RGS7: variants seen among roughly 807,000 people sequenced by gnomAD.
RGS7 encodes the protein regulator of G protein signaling 7.
In RGS7, 27 loss-of-function variants were observed where a neutral mutation model predicts 81.1. That is an observed-to-expected ratio of 0.33 (90% CI 0.25 to 0.46). The LOEUF (loss-of-function observed/expected upper bound fraction) is 0.46, where lower values mean the gene tolerates loss of function less well. Ranked by LOEUF, RGS7 falls within the 20% of genes least tolerant of loss-of-function variation. The probability of loss-of-function intolerance (pLI) is 1.00; values close to 1 mark genes in which losing one functional copy is unlikely to be tolerated. For missense variants in RGS7, 396 were observed against 607.4 expected (o/e 0.65, Z 3.66); for synonymous variants, 208 against 207.7 (o/e 1.00, Z -0.01).
At chr1:240,787,363 T>C (rs1278648380) in intron 18 of RGS7, among the ~76,000 whole-genome samples, 1 of 152,216 alleles carries the variant, frequency 6.6e-6, no homozygotes, top group African/African-American at 2.4e-5. Flanking sequence ...TGCTCCTTTA[T>C]TCATTTTAAA....
intron 2 of RGS7, among the ~76,000 whole-genome samples, chr1:241,220,995 A>AAAGAG (rs1558203288): frequency 2.4e-4 from 10 of 42,324 alleles, no homozygotes; most frequent in African/African-American, 7.2e-4. Flanking sequence ...GGAAGGAAGG[A>AAAGAG]AGAGAGAGAG....
chr1:241,083,949 C>T (rs1382156485), intron 3 of RGS7, among the ~76,000 whole-genome samples: 2 of 150,870 alleles, frequency 1.3e-5, no homozygotes, highest in African/African-American at 2.5e-5. Flanking sequence ...ACCACCTAGG[C>T]GGTCTTATAG....
chr1:241,348,903 C>T (rs2083069075), intron 2 of RGS7, among the ~76,000 whole-genome samples: 1 of 152,118 alleles, frequency 6.6e-6, no homozygotes, highest in Admixed American at 6.6e-5. Context: ...GTAGTGGAAA[C>T]ATTCACTTTT....
chr1:241,243,550 G>A (rs893803596), intron 2 of RGS7, among the ~76,000 whole-genome samples: 1 of 152,150 alleles, frequency 6.6e-6, no homozygotes, highest in Admixed American at 6.5e-5. Context: ...ATGCTTGCAA[G>A]GAGGGGAAAA....
At chr1:240,996,019 T>C (rs6429236) in intron 3 of RGS7, among the ~76,000 whole-genome samples, 4 of 133,198 alleles carry the variant, frequency 3.0e-5, no homozygotes, top group Admixed American at 1.5e-4. Context: ...ATTTTTATTG[T>C]TTTTTTTTTA....
Position 240,868,907 on chromosome 1 carries a change from C to G in RGS7, c.451-55G>C. 2.0e-6 allele frequency: 3 copies of G among 1,482,802 alleles called. No homozygotes were observed. The East Asian group carries it at 6.8e-5, about 34-fold the overall frequency. The allele number at this position is 1,482,802 out of a possible 1,614,324, so 91.9% of individuals were successfully genotyped here. On this transcript the variant is annotated intron_variant, in intron 7 of 18. Transcript: ENST00000440928. This position sits in a 1 kb window ranked among gnomAD's most constrained non-coding sequence, Gnocchi z 5.1. ...TGGTGTTCATTGTCACTGCTCTCTT[C>G]TAGCTTAGTTACCACTTGTATTTGT... is the stretch of plus-strand genomic sequence containing the variant.
At chr1:241,327,434 T>A (rs1047753939) in intron 2 of RGS7, among the ~76,000 whole-genome samples, 1 of 152,202 alleles carries the variant, frequency 6.6e-6, no homozygotes, top group African/African-American at 2.4e-5. Flanking sequence ...GATTCCTTAT[T>A]AAATAATACA....
intron 18 of RGS7, among the ~76,000 whole-genome samples, chr1:240,793,602 TA>T (rs1249925014): frequency 0.021 from 2,242 of 105,976 alleles, 26 homozygotes; most frequent in Non-Finnish European, 0.031. Flanking sequence ...TATATATATA[TA>T]TATATATATT....
chr1:241,197,293 C>T (rs2073155409), intron 2 of RGS7, among the ~76,000 whole-genome samples: 1 of 4,606 alleles, frequency 2.2e-4, no homozygotes, highest in African/African-American at 4.9e-4. Flanking sequence ...CTCGCTCTGT[C>T]GCCCAGGCTG....
At chr1:240,863,838 C>T (rs1215687377) in intron 9 of RGS7, among the ~76,000 whole-genome samples, 4 of 152,110 alleles carry the variant, frequency 2.6e-5, no homozygotes, top group Admixed American at 6.5e-5. Flanking sequence ...CATATGAAAA[C>T]CATGAGTAAA....
chr1:240,972,955 G>A (rs137938156), intron 4 of RGS7, among the ~76,000 whole-genome samples: 25 of 151,640 alleles, frequency 1.6e-4, no homozygotes, highest in South Asian at 6.3e-4. Flanking sequence ...AAGCTTAAGC[G>A]GGAGGATCAC....
intron 2 of RGS7, among the ~76,000 whole-genome samples, chr1:241,181,383 T>C (rs1179310293): frequency 6.6e-6 from 1 of 152,116 alleles, no homozygotes; most frequent in Non-Finnish European, 1.5e-5. Flanking sequence ...AAAAATAAAA[T>C]ACATTTAAAA....
intron 3 of RGS7, among the ~76,000 whole-genome samples, chr1:241,013,353 G>A (rs765301915): frequency 2.0e-5 from 3 of 152,150 alleles, no homozygotes; most frequent in East Asian, 1.9e-4. Context: ...ATGAGCCACC[G>A]CACCTGGCCC....
At chr1:241,321,866 C>T (rs575296158) in intron 2 of RGS7, among the ~76,000 whole-genome samples, 248 of 152,182 alleles carry the variant, frequency 1.6e-3, no homozygotes, top group African/African-American at 4.9e-3. Context: ...AAGTCCAAAC[C>T]GCCGTTCTAG....
intron 2 of RGS7, among the ~76,000 whole-genome samples, chr1:241,270,708 C>T (rs1320929647): frequency 6.6e-6 from 1 of 151,890 alleles, no homozygotes; most frequent in Non-Finnish European, 1.5e-5. Flanking sequence ...ACACAGAGGA[C>T]CTGACATGTA....
chr1:241,325,819 G>A (rs775034198), intron 2 of RGS7, among the ~76,000 whole-genome samples: 21 of 152,130 alleles, frequency 1.4e-4, no homozygotes, highest in Non-Finnish European at 1.9e-4. Context: ...GGAGGAAGAG[G>A]AGGAGGAAAT....
At chr1:241,081,234 A>T (rs889969646) in intron 3 of RGS7, among the ~76,000 whole-genome samples, 1 of 152,076 alleles carries the variant, frequency 6.6e-6, no homozygotes, top group Admixed American at 6.5e-5. Context: ...ACATATCTCA[A>T]TGTTCTCATC....
At chr1:241,009,950 C>A (rs1438454748) in intron 3 of RGS7, among the ~76,000 whole-genome samples, 1 of 152,050 alleles carries the variant, frequency 6.6e-6, no homozygotes, top group African/African-American at 2.4e-5. Flanking sequence ...AACCAAACAC[C>A]GCATGTTCTC....
chr1:240,866,240 G>A (rs1349788888), intron 9 of RGS7, among the ~76,000 whole-genome samples: 3 of 152,260 alleles, frequency 2.0e-5, no homozygotes, highest in East Asian at 1.9e-4. Context: ...GGCCGGGCGC[G>A]GTTGCTCACG....
Sources: allele counts gnomAD v4.1 joint callset (sites outside exome capture counted in the v4.1 genomes callset), GRCh38; gene constraint gnomAD v4.1.1; non-coding constraint Gnocchi (gnomAD v3.1); transcripts MANE v1.5; gene names NCBI Gene and HGNC (gene_info 2026-07-23, HGNC 2026-07-21).